The following ZMYND11 variants were observed in gnomAD, a reference collection of about 807,000 sequenced individuals.
ZMYND11 encodes zinc finger MYND domain-containing protein 11.
ZMYND11 carries 9 observed loss-of-function variants against 84.9 expected under a neutral mutation model. That is an observed-to-expected ratio of 0.11 (90% CI 0.06 to 0.18). The LOEUF (loss-of-function observed/expected upper bound fraction) is 0.18. ZMYND11 is among the 10% of genes least tolerant of loss of function. The pLI, the probability that ZMYND11 is intolerant of heterozygous loss-of-function variation, is 1.00. For synonymous variants in ZMYND11, 250 were observed against 244.1 expected (o/e 1.02, Z -0.23); for missense variants, 409 against 761.0 (o/e 0.54, Z 5.44).
intron 1 of ZMYND11, among the ~76,000 whole-genome samples, chr10:149,098 C>G (rs1425023434): frequency 1.3e-5 from 2 of 152,022 alleles, no homozygotes; most frequent in African/African-American, 2.4e-5. Context: ...GATCCGATGT[C>G]TGACTCATGG....
chr10:135,990 G>A lies in ZMYND11; in HGVS notation c.-20+431G>A, dbSNP rs1835921418. ...GGGCCGGCGGGGAACGCGGCTCCGG[G>A]CGTGTGGCGGGCGGAGAGGAAGCGT... On this transcript the variant is annotated intron_variant, in intron 1 of 14. Coordinates refer to ENST00000381604, the MANE Select transcript of ZMYND11 (RefSeq NM_001370100.5). This position sits in a 1 kb window ranked among gnomAD's most constrained non-coding sequence, Gnocchi z 5.6. 6.6e-6 allele frequency among the ~76,000 whole-genome samples: 1 copy of A among 151,852 alleles called. No individual in the cohort carries two copies. Among genetic ancestry groups the A allele is most frequent in the African/African-American group, 2.4e-5 (1 of 41,404 alleles).
rs562948385 is a variant in ZMYND11, at chr10:149,022, T to G, written c.-20+13463T>G. Among the ~76,000 whole-genome samples the G allele has an allele frequency of 2.0e-5, 3 of 152,278 alleles. No individual in the cohort carries two copies. The East Asian group carries it at 5.8e-4, about 29-fold the overall frequency. ...GAGAATAGTTTTATGAAATTTGAAC[T>G]TGAAGAATAGAGTAGGAAATGTTAG... On this transcript the variant is annotated intron_variant, in intron 1 of 14. Transcript: ENST00000381604.
intron 2 of ZMYND11, among the ~76,000 whole-genome samples, chr10:184,048 T>A (rs1848431334): frequency 6.6e-6 from 1 of 152,206 alleles, no homozygotes; most frequent in East Asian, 1.9e-4. Context: ...TAAAAACACC[T>A]CCTGAGTTCA....
At chr10:171,130 T>G (rs1845210536) in intron 1 of ZMYND11, among the ~76,000 whole-genome samples, 1 of 152,136 alleles carries the variant, frequency 6.6e-6, no homozygotes, top group Admixed American at 6.6e-5. Flanking sequence ...ATAACAGTGC[T>G]TAATGTGTAC....
chr10:208,779 AGAAG>A (rs771867989), intron 2 of ZMYND11, among the ~76,000 whole-genome samples: 64 of 152,296 alleles, frequency 4.2e-4, no homozygotes, highest in Non-Finnish European at 7.4e-4. Context: ...AATGAGGTGG[AGAAG>A]GAAGAAGGTG....
chr10:166,628 T>A (rs1421385015), intron 1 of ZMYND11, among the ~76,000 whole-genome samples: 1 of 152,102 alleles, frequency 6.6e-6, no homozygotes, highest in African/African-American at 2.4e-5. Context: ...TTGGAACACT[T>A]GTACATTGCT....
At chr10:147,695 T>G (rs530820703) in intron 1 of ZMYND11, 7 of 150,770 alleles carry the variant, frequency 4.6e-5, no homozygotes, top group Non-Finnish European at 1.0e-4. Context: ...TCTTTTTGGA[T>G]TCCTCAAACA....
rs189469642 is a variant in ZMYND11, at chr10:141,941, T to G, written c.-20+6382T>G. Among the ~76,000 whole-genome samples, 12 of 152,356 alleles carry G rather than the reference T, an allele frequency of 7.9e-5. No homozygotes were observed. In the East Asian group the frequency reaches 2.3e-3, roughly 29 times the overall value. On this transcript the variant is annotated intron_variant, in intron 1 of 14. Transcript: ENST00000381604. ...TCATAACTCGGGTTAAAAAGGCTATTTTTAAAAATTGGGAAGATATTTTGG... is the reference window on the plus strand; with the variant it reads ...TCATAACTCGGGTTAAAAAGGCTATGTTTAAAAATTGGGAAGATATTTTGG...
rs1454922029 is a variant in ZMYND11 at position 253,734 on chromosome 10, T to G, written c.*1264T>G. On this transcript the variant is annotated 3_prime_UTR_variant, in exon 15 of 15. Transcript: ENST00000381604. ...CCAAGTCAAATTCCCATTTATCATT[T>G]AGTTATTTTTTGAGGTTAGAGAATA... is the stretch of plus-strand genomic sequence containing the variant. 6.6e-6 allele frequency: 1 copy of G among 152,642 alleles called. No individual in the cohort carries two copies. The highest frequency in any genetic ancestry group is 2.4e-5 in the African/African-American group (1 of 41,448). The allele number at this position is 152,642 out of a possible 1,614,324, so 9.5% of individuals were successfully genotyped here.
At chr10:178,833 T>G (rs1415697280) in intron 1 of ZMYND11, among the ~76,000 whole-genome samples, 1 of 152,060 alleles carries the variant, frequency 6.6e-6, no homozygotes, top group African/African-American at 2.4e-5. Flanking sequence ...TTTTCTCAGG[T>G]TTTGATAGCA....
intron 12 of ZMYND11, 138 bp from the exon 13 acceptor site, chr10:248,198 C>A: frequency 1.8e-6 from 2 of 1,119,776 alleles, no homozygotes; most frequent in Non-Finnish European, 2.5e-6. Flanking sequence ...ACATCTACCA[C>A]CCTAACTACA....
chr10:184,719 T>C (rs1406809263), intron 2 of ZMYND11, among the ~76,000 whole-genome samples: 1 of 152,226 alleles, frequency 6.6e-6, no homozygotes, highest in Non-Finnish European at 1.5e-5. Flanking sequence ...GCCATAGTCC[T>C]CTCTGTTGGT....
At chr10:169,226 AC>A (rs769079777) in intron 1 of ZMYND11, among the ~76,000 whole-genome samples, 9 of 152,088 alleles carry the variant, frequency 5.9e-5, no homozygotes, top group Non-Finnish European at 1.3e-4. Flanking sequence ...AAGGGGGGAA[AC>A]TGTACAGCCC....
intron 14 of ZMYND11, chr10:249,470 A>G: frequency 1.0e-6 from 1 of 984,752 alleles, no homozygotes; most frequent in Non-Finnish European, 1.2e-6. Context: ...TAATTATCAC[A>G]ATAAATAGTT....
At chr10:249,494 C>A in intron 14 of ZMYND11, 1 of 984,568 alleles carries the variant, frequency 1.0e-6, no homozygotes, top group Non-Finnish European at 1.2e-6. Context: ...GATTTCCCTG[C>A]ACTTAACATT....
chr10:176,072 G>A (rs1554766867), intron 1 of ZMYND11, among the ~76,000 whole-genome samples: 1 of 152,038 alleles, frequency 6.6e-6, no homozygotes, highest in Admixed American at 6.6e-5. Context: ...GTTTAATTTT[G>A]CTTATTCTTA....
upstream of ZMYND11, among the ~76,000 whole-genome samples, chr10:130,807 C>T (rs1479119830): frequency 6.6e-6 from 1 of 152,196 alleles, no homozygotes; most frequent in Non-Finnish European, 1.5e-5. Flanking sequence ...AGTGCATATT[C>T]TTCTACATCA....
intron 2 of ZMYND11, among the ~76,000 whole-genome samples, chr10:183,360 A>G (rs1364638354): frequency 2.0e-5 from 3 of 151,552 alleles, no homozygotes; most frequent in African/African-American, 7.3e-5. Flanking sequence ...ATGGAGATTG[A>G]TAGCTGCATC....
At chr10:167,308 G>C (rs1263728134) in intron 1 of ZMYND11, among the ~76,000 whole-genome samples, 3 of 151,998 alleles carry the variant, frequency 2.0e-5, no homozygotes, top group Non-Finnish European at 4.4e-5. Flanking sequence ...CCACTGAATT[G>C]TACACTTCAA....
Sources: gnomAD v4.1 joint callset for allele counts (sites outside exome capture counted in the v4.1 genomes callset) on GRCh38, gnomAD v4.1.1 for gene constraint, Gnocchi (gnomAD v3.1) non-coding constraint, MANE v1.5 for transcripts, NCBI Gene and HGNC (gene_info 2026-07-23, HGNC 2026-07-21) for gene names.